Variants in LDAH observed in about 807,000 individuals in gnomAD.
The protein encoded by LDAH is lipid droplet associated hydrolase.
Under a neutral mutation model 29.6 loss-of-function variants are expected in LDAH, and 26 were observed. That is an observed-to-expected ratio of 0.88 (90% CI 0.64 to 1.22). LDAH has a LOEUF of 1.22. Among genes scored for constraint, LDAH ranks in the 50% most tolerant of loss-of-function variants. LDAH has a pLI of 0.00. For synonymous variants in LDAH, 117 were observed against 133.0 expected (o/e 0.88, Z 0.83); for missense variants, 344 against 387.3 (o/e 0.89, Z 0.94).
rs151159031 is a variant in LDAH, at chr2:20,699,638, C to T, written c.786+1932G>A. 7.0e-3 allele frequency among the ~76,000 whole-genome samples: 1,066 copies of T among 152,094 alleles called. 6 individuals are homozygous for T. The highest frequency in any genetic ancestry group is 0.01 in the Non-Finnish European group (685 of 67,994). On this transcript the variant is annotated intron_variant, in intron 6 of 6. Transcript: ENST00000237822. ...TTAAATGAAACAATGCTTTGTTTCC[C>T]CATATTCTAGAAGTATATTTAATGC...
Position 20,791,624 on chromosome 2 carries a change from T to C in LDAH, c.155-1226A>G, listed in dbSNP as rs561043091. On this transcript the variant is annotated intron_variant, in intron 2 of 6. Transcript: ENST00000237822. ...TCCTCAAATGCAGAAATATATTCTT[T>C]GGTCAGTTTATTGGCCACTGTATAG... 6.6e-5 allele frequency among the ~76,000 whole-genome samples: 10 copies of C among 152,324 alleles called. No homozygotes were observed. In the South Asian group the frequency reaches 2.1e-3, roughly 32 times the overall value.
At chr2:20,726,892 T>C (rs1165424817) in intron 5 of LDAH, among the ~76,000 whole-genome samples, 2 of 152,196 alleles carry the variant, frequency 1.3e-5, no homozygotes, top group East Asian at 1.9e-4. Context: ...TTTTGAAATA[T>C]AAAAATTTCT....
intron 4 of LDAH, among the ~76,000 whole-genome samples, chr2:20,754,922 T>C (rs1040671773): frequency 2.0e-5 from 3 of 152,132 alleles, no homozygotes; most frequent in African/African-American, 7.2e-5. Flanking sequence ...AGGACATTAG[T>C]GGGCCAAATG....
At chr2:20,694,503 G>A (rs766127003) in intron 6 of LDAH, among the ~76,000 whole-genome samples, 2 of 152,188 alleles carry the variant, frequency 1.3e-5, no homozygotes, top group Non-Finnish European at 2.9e-5. Context: ...CTAAAGAAAG[G>A]GAGATGGTTT....
At chr2:20,683,439 C>A (rs1662368492), downstream of LDAH, among the ~76,000 whole-genome samples, 1 of 152,212 alleles carries the variant, frequency 6.6e-6, no homozygotes, top group African/African-American at 2.4e-5. Context: ...AGGGAAGGAG[C>A]AGCCCAAATA....
intron 3 of LDAH, among the ~76,000 whole-genome samples, chr2:20,789,505 A>G (rs1670796046): frequency 6.6e-6 from 1 of 151,974 alleles, no homozygotes; most frequent in Non-Finnish European, 1.5e-5. Flanking sequence ...ACACATGCCT[A>G]CTCCACAAAG....
Position 20,740,014 on chromosome 2 carries a change from C to G in LDAH, c.660G>C (p.Glu220Asp), listed in dbSNP as rs1388341419. The G allele has an allele frequency of 1.2e-6, 2 of 1,614,064 alleles. No individual in the cohort carries two copies. The highest frequency in any genetic ancestry group is 1.7e-4 in the Middle Eastern group (1 of 6,060). Reference sequence around the variant, plus strand: ...ATATATTCAATGGTGAAAATTCATTCTCTAGGTTCATTACTTGAAGGCCCC... The same window carrying G: ...ATATATTCAATGGTGAAAATTCATTGTCTAGGTTCATTACTTGAAGGCCCC... ...IRRGLQVMNL[E>D]NEFSPLNILE... The change falls in exon 5 of 7, where the codon GAG (glutamate) becomes GAC (aspartate). Residue 220 changes from glutamate to aspartate, a missense_variant. By Grantham distance (45) the Glu-to-Asp change is conservative (BLOSUM62 2). Transcript: ENST00000237822.
At chr2:20,795,847 C>T (rs780622479) in intron 2 of LDAH, among the ~76,000 whole-genome samples, 9 of 151,912 alleles carry the variant, frequency 5.9e-5, no homozygotes, top group Non-Finnish European at 1.2e-4. Flanking sequence ...CTATCAGAGA[C>T]GGACATAACA....
chr2:20,754,974 A>G (rs556753285), intron 4 of LDAH, among the ~76,000 whole-genome samples: 9 of 152,300 alleles, frequency 5.9e-5, no homozygotes. Flanking sequence ...TATTACATCA[A>G]TATTACATTT....
Position 20,821,558 on chromosome 2 carries a change from T to C in LDAH, c.-3+1479A>G, listed in dbSNP as rs566120795. On this transcript the variant is annotated intron_variant, in intron 1 of 6. Coordinates refer to ENST00000237822, the MANE Select transcript of LDAH (RefSeq NM_021925.4). Reference sequence around the variant, plus strand: ...ACATGTTCTCACTCATAGGTGGGAATTGAACAATGAGAACACTTGGACACA... The same window carrying C: ...ACATGTTCTCACTCATAGGTGGGAACTGAACAATGAGAACACTTGGACACA... 5.9e-5 allele frequency among the ~76,000 whole-genome samples: 9 copies of C among 152,158 alleles called. No homozygotes were observed. In the South Asian group the frequency reaches 6.2e-4, roughly 11 times the overall value.
intron 6 of LDAH, among the ~76,000 whole-genome samples, chr2:20,695,844 G>C (rs1663425092): frequency 1.3e-5 from 2 of 152,266 alleles, no homozygotes; most frequent in Non-Finnish European, 2.9e-5. Context: ...CCATTTTATT[G>C]ATGAATAAAG....
At chr2:20,794,418 A>G (rs1185850587) in intron 2 of LDAH, among the ~76,000 whole-genome samples, 2 of 152,216 alleles carry the variant, frequency 1.3e-5, no homozygotes, top group African/African-American at 4.8e-5. Context: ...TCATACCAAA[A>G]CCACATAAAG....
intron 4 of LDAH, among the ~76,000 whole-genome samples, chr2:20,749,593 A>T (rs1192665242): frequency 1.3e-5 from 2 of 152,190 alleles, no homozygotes; most frequent in African/African-American, 4.8e-5. Flanking sequence ...AAGCTGCCCC[A>T]GGACACTCTC....
chr2:20,716,721 TATATATAC>T lies in LDAH; in HGVS notation c.704-15077_704-15070del, dbSNP rs915035577. On this transcript the variant is annotated intron_variant, in intron 5 of 6. Transcript: ENST00000237822. ...TGTAGATGTACCCTAGAACTTTAAG[TATATATAC>T]ATATATATATATATATGAGTAGAGA... Among the ~76,000 whole-genome samples, 268 of 131,546 alleles carry T rather than the reference TATATATAC, an allele frequency of 2.0e-3. 15 individuals carry two copies. In the South Asian group the frequency reaches 0.051, roughly 25 times the overall value. 86.3% of individuals were successfully genotyped at this position (131,546 alleles called of 152,430 possible). A position where few individuals can be genotyped will look rare whatever the true frequency, so the allele number is the denominator to read the frequency against.
chr2:20,819,330 T>C (rs188256645), intron 1 of LDAH, among the ~76,000 whole-genome samples: 22 of 152,300 alleles, frequency 1.4e-4, no homozygotes, highest in African/African-American at 4.8e-4. Context: ...TTAGAAATAA[T>C]ATATTAATTT....
chr2:20,775,020 T>C (rs765308075), intron 3 of LDAH, 41 bp from the exon 4 acceptor site: 2 of 1,506,930 alleles, frequency 1.3e-6, no homozygotes, highest in Non-Finnish European at 1.8e-6. Context: ...TAAGTAAAAG[T>C]AATCACTGAA....
chr2:20,791,094 T>C (rs1670915361), intron 2 of LDAH, among the ~76,000 whole-genome samples: 1 of 152,248 alleles, frequency 6.6e-6, no homozygotes. Context: ...GTCTCTGCAA[T>C]TACATGACAT....
intron 4 of LDAH, among the ~76,000 whole-genome samples, chr2:20,767,575 G>T (rs1484249964): frequency 6.6e-6 from 1 of 152,214 alleles, no homozygotes; most frequent in East Asian, 1.9e-4. Flanking sequence ...CAAGCAACCT[G>T]GGTGCCTTAG....
intron 5 of LDAH, among the ~76,000 whole-genome samples, chr2:20,702,622 T>C (rs937811282): frequency 5.3e-4 from 80 of 152,344 alleles, no homozygotes; most frequent in African/African-American, 1.8e-3. Flanking sequence ...AAATTTCTTT[T>C]CATTAACAAT....
Sources: allele counts gnomAD v4.1 joint callset (sites outside exome capture counted in the v4.1 genomes callset), GRCh38; gene constraint gnomAD v4.1.1; transcripts MANE v1.5; gene names NCBI Gene and HGNC (gene_info 2026-07-23, HGNC 2026-07-21).